Variants in CPVL observed in about 807,000 individuals in gnomAD.
The protein encoded by CPVL is carboxypeptidase vitellogenic like, also known as probable serine carboxypeptidase CPVL.
A neutral mutation model predicts 63.7 loss-of-function variants in CPVL; 51 were observed. The observed-to-expected ratio is 0.80, with a 90% CI of 0.64 to 1.01. The LOEUF (loss-of-function observed/expected upper bound fraction) is 1.01, where lower values mean the gene tolerates loss of function less well. Among genes scored for constraint, CPVL ranks in the 50% least tolerant of loss-of-function variants. The pLI is 0.00. For synonymous variants in CPVL, 195 were observed against 206.0 expected (o/e 0.95, Z 0.46); for missense variants, 530 against 573.1 (o/e 0.92, Z 0.77).
chr7:29,130,924 C>A (rs1026286067), intron 1 of CPVL, among the ~76,000 whole-genome samples: 1 of 152,162 alleles, frequency 6.6e-6, no homozygotes, highest in African/African-American at 2.4e-5. Flanking sequence ...TAGTGTACTT[C>A]TTTCAGTTTC....
At position 29,101,427 on chromosome 7, in the gene CPVL, C is replaced by T. The variant is rs528605845; in HGVS notation, c.289-5210G>A. On this transcript the variant is annotated intron_variant, in intron 3 of 12. Transcript: ENST00000265394. ...CATCCTTGCTAACACGGTGAAACCC[C>T]GTCTCTAAATACAAAAAATTAGCTG... Among the ~76,000 whole-genome samples the T allele has an allele frequency of 1.1e-4, 17 of 152,136 alleles. No homozygotes were observed. The South Asian group carries it at 3.3e-3, about 30-fold the overall frequency.
chr7:29,142,123 T>C (rs918291359), intron 1 of CPVL, among the ~76,000 whole-genome samples: 9 of 152,214 alleles, frequency 5.9e-5, no homozygotes, highest in Non-Finnish European at 8.8e-5. Context: ...AAGACTTACT[T>C]CACTTTACTA....
chr7:29,021,648 G>A (rs940784513), intron 12 of CPVL, among the ~76,000 whole-genome samples: 3 of 151,974 alleles, frequency 2.0e-5, no homozygotes, highest in Admixed American at 6.6e-5. Flanking sequence ...CCACAGGAGA[G>A]CCCCTCAGCC....
chr7:29,186,352 G>T (rs995982962), intron 2 of CPVL: 2 of 152,302 alleles, frequency 1.3e-5, no homozygotes, highest in African/African-American at 2.4e-5. Context: ...GGAGGCCAGG[G>T]TGGATAGATT....
intron 1 of CPVL, among the ~76,000 whole-genome samples, chr7:29,186,737 T>TA (rs1554355968): frequency 6.6e-6 from 1 of 152,142 alleles, no homozygotes; most frequent in Non-Finnish European, 1.5e-5. Context: ...GGAAAATACT[T>TA]ACCATAACAG....
chr7:29,124,955 T>C (rs1197313382), intron 1 of CPVL: 2 of 152,212 alleles, frequency 1.3e-5, no homozygotes, highest in Non-Finnish European at 2.9e-5. Context: ...AATAAGGTTC[T>C]ATTTGTACTT....
At chr7:29,146,956 T>G (rs1179755417), upstream of CPVL, 1 of 1,551,088 alleles carries the variant, frequency 6.4e-7, no homozygotes, top group Admixed American at 2.0e-5. Context: ...CCAGCTGCAC[T>G]AGCAGTAAGC....
rs73688310 is a variant in CPVL at position 29,163,058 on chromosome 7, G to A, written c.-11+18232C>T. ...ATAATGAACTATAGTTATGTAAAAC[G>A]TTACCATGGGTTGATGGATTCATGG... On this transcript the variant is annotated intron_variant, in intron 5 of 16. Coordinates refer to the CPVL transcript ENST00000409850. 9.2e-3 allele frequency among the ~76,000 whole-genome samples: 1,400 copies of A among 152,104 alleles called. 29 individuals carry two copies. The highest frequency in any genetic ancestry group is 0.062 in the East Asian group (319 of 5,182).
chr7:29,055,885 T>C (rs1790684232), intron 11 of CPVL, among the ~76,000 whole-genome samples: 1 of 152,232 alleles, frequency 6.6e-6, no homozygotes, highest in Admixed American at 6.5e-5. Context: ...AATTGTATTT[T>C]AGTTGTATTT....
At chr7:29,123,554 A>G (rs1057381198) in intron 1 of CPVL, among the ~76,000 whole-genome samples, 4 of 132,046 alleles carry the variant, frequency 3.0e-5, no homozygotes, top group Non-Finnish European at 6.2e-5. Flanking sequence ...AGCTACTTTC[A>G]AGGGATGCCT....
chr7:29,071,709 ACCCG>A, intron 9 of CPVL, 60 bp downstream of exon 9: 1 of 472,928 alleles, frequency 2.1e-6, no homozygotes. Context: ...GTTCCTGCTC[ACCCG>A]CCCTCCCTCC....
At chr7:29,155,269 C>T (rs554065967) in intron 5 of CPVL, among the ~76,000 whole-genome samples, 2 of 152,162 alleles carry the variant, frequency 1.3e-5, no homozygotes, top group South Asian at 4.2e-4. Flanking sequence ...GGGAAAACAA[C>T]TACATTTTAA....
At chr7:28,994,717 C>T (rs997519499), downstream of CPVL, among the ~76,000 whole-genome samples, 10 of 152,288 alleles carry the variant, frequency 6.6e-5, no homozygotes, top group East Asian at 1.3e-3. Context: ...CAAACCTGAA[C>T]GTAATCAGGC....
chr7:29,019,224 G>C (rs1033117574), intron 12 of CPVL, among the ~76,000 whole-genome samples: 1 of 152,112 alleles, frequency 6.6e-6, no homozygotes, highest in Admixed American at 6.5e-5. Context: ...AGTTAGTCCA[G>C]ACCTTGCATT....
chr7:29,084,319 T>C (rs1411765435), intron 7 of CPVL, among the ~76,000 whole-genome samples: 2 of 152,220 alleles, frequency 1.3e-5, no homozygotes, highest in South Asian at 2.1e-4. Flanking sequence ...TTTGCATTCA[T>C]TGTTCCTTCT....
At chr7:29,090,829 A>C (rs1785697049) in intron 6 of CPVL, among the ~76,000 whole-genome samples, 1 of 152,208 alleles carries the variant, frequency 6.6e-6, no homozygotes, top group Non-Finnish European at 1.5e-5. Context: ...GTGAACGGTA[A>C]ATGTCTCCTT....
intron 9 of CPVL, among the ~76,000 whole-genome samples, chr7:29,070,036 C>T (rs559667397): frequency 6.6e-6 from 1 of 152,312 alleles, no homozygotes; most frequent in South Asian, 2.1e-4. Flanking sequence ...CACATTTCAA[C>T]CACAAGTTGT....
chr7:29,042,213 G>A (rs1789170327), intron 11 of CPVL, among the ~76,000 whole-genome samples: 1 of 152,082 alleles, frequency 6.6e-6, no homozygotes, highest in African/African-American at 2.4e-5. Flanking sequence ...TCATTACAGG[G>A]GAGCAGACAG....
intron 3 of CPVL, among the ~76,000 whole-genome samples, chr7:29,104,110 ACT>A (rs1787484880): frequency 6.6e-6 from 1 of 152,242 alleles, no homozygotes; most frequent in Non-Finnish European, 1.5e-5. Context: ...ACACACACAC[ACT>A]CAACACATAC....
Sources: gnomAD v4.1 joint callset for allele counts (sites outside exome capture counted in the v4.1 genomes callset) on GRCh38, gnomAD v4.1.1 for gene constraint, MANE v1.5 for transcripts, NCBI Gene and HGNC (gene_info 2026-07-23, HGNC 2026-07-21) for gene names.